Variants in DMD observed in about 807,000 individuals in gnomAD.
The protein encoded by DMD is dystrophin.
Under a neutral mutation model 330.1 loss-of-function variants are expected in DMD, and 63 were observed. That is an observed-to-expected ratio of 0.19 (90% CI 0.16 to 0.24). The LOEUF (loss-of-function observed/expected upper bound fraction) is 0.24, where lower values mean the gene tolerates loss of function less well. DMD is among the 10% of genes least tolerant of loss of function. The pLI is 1.00. For missense variants in DMD, 3,344 were observed against 2,684.1 expected (o/e 1.25, Z -5.43); for synonymous variants, 1,223 against 959.8 (o/e 1.27, Z -5.07).
At chrX:33,172,363 T>C (rs1691507336) in intron 1 of DMD, among the ~76,000 whole-genome samples, 1 of 111,772 alleles carries the variant, frequency 8.9e-6, no homozygotes, top group African/African-American at 3.2e-5. Flanking sequence ...GAAGGACTAG[T>C]CGGATGCTGG....
chrX:32,808,648 C>T (rs904357770), intron 7 of DMD, among the ~76,000 whole-genome samples: 13 of 111,651 alleles, frequency 1.2e-4, no homozygotes, highest in South Asian at 3.7e-4. Flanking sequence ...TTGATGAAAT[C>T]GATTTAATAT....
chrX:33,054,306 C>A (rs1028508188), intron 1 of DMD, among the ~76,000 whole-genome samples: 2 of 111,903 alleles, frequency 1.8e-5, no homozygotes, highest in African/African-American at 6.5e-5. Flanking sequence ...CATATATATA[C>A]ATACACACCT....
intron 7 of DMD, among the ~76,000 whole-genome samples, chrX:32,720,733 G>A (rs751960740): frequency 3.6e-5 from 4 of 111,491 alleles, no homozygotes; most frequent in African/African-American, 1.3e-4. Flanking sequence ...TTCTCATAAT[G>A]TATGCATAGA....
intron 2 of DMD, among the ~76,000 whole-genome samples, chrX:32,897,983 G>C (rs765964668): frequency 8.9e-6 from 1 of 112,223 alleles, no homozygotes; most frequent in African/African-American, 3.2e-5. Context: ...TTATTTTTAA[G>C]AGTTTTTTCC....
intron 1 of DMD, among the ~76,000 whole-genome samples, chrX:33,296,623 T>C (rs2053588494): frequency 9.0e-6 from 1 of 110,984 alleles, no homozygotes; most frequent in South Asian, 3.8e-4. Context: ...TCTTCCAGAC[T>C]GAGCACCCAT....
chrX:33,014,971 C>T (rs1404743998), intron 2 of DMD, among the ~76,000 whole-genome samples: 1 of 111,314 alleles, frequency 9.0e-6, no homozygotes, highest in African/African-American at 3.3e-5. Flanking sequence ...AACGTTTTCT[C>T]CTAAGGTAGA....
chrX:32,999,276 A>G (rs1394328676), intron 2 of DMD, among the ~76,000 whole-genome samples: 8 of 112,128 alleles, frequency 7.1e-5, no homozygotes, highest in African/African-American at 2.6e-4. Context: ...ACTTTCTTGA[A>G]ACATCATGAG....
intron 47 of DMD, among the ~76,000 whole-genome samples, chrX:31,923,051 T>C (rs2094716211): frequency 9.0e-6 from 1 of 111,691 alleles, no homozygotes; most frequent in Non-Finnish European, 1.9e-5. Flanking sequence ...TGACCCTCTC[T>C]ATATATTTTA....
intron 54 of DMD, among the ~76,000 whole-genome samples, chrX:31,638,939 T>C (rs1463587652): frequency 9.0e-6 from 1 of 111,640 alleles, no homozygotes; most frequent in East Asian, 2.8e-4. Context: ...TCACCACCCT[T>C]TTATAGAGAT....
chrX:32,465,087 A>G (rs1358084284), intron 23 of DMD, among the ~76,000 whole-genome samples: 1 of 112,060 alleles, frequency 8.9e-6, no homozygotes, highest in African/African-American at 3.2e-5. Context: ...GTGTCTTTAT[A>G]GCCTCCCTAA....
At chrX:33,176,706 C>T (rs773280053) in intron 1 of DMD, among the ~76,000 whole-genome samples, 1 of 110,818 alleles carries the variant, frequency 9.0e-6, no homozygotes, top group Non-Finnish European at 1.9e-5. Flanking sequence ...GAAGCCAAGG[C>T]GGGTGGATCA....
intron 45 of DMD, among the ~76,000 whole-genome samples, chrX:31,965,369 C>T (rs144922337): frequency 0.078 from 8,685 of 110,927 alleles, 371 homozygotes; most frequent in African/African-American, 0.16. Context: ...AACAATAAGA[C>T]CCTGTAGCAC....
At chrX:32,005,944 G>T (rs1296957487) in intron 44 of DMD, among the ~76,000 whole-genome samples, 3 of 111,327 alleles carry the variant, frequency 2.7e-5, no homozygotes, top group Non-Finnish European at 5.7e-5. Flanking sequence ...GCACTTTAAT[G>T]AAGTGGTGGG....
intron 17 of DMD, among the ~76,000 whole-genome samples, chrX:32,531,225 A>T (rs778019685): frequency 8.9e-6 from 1 of 111,997 alleles, no homozygotes; most frequent in Non-Finnish European, 1.9e-5. Context: ...AGGTACACAC[A>T]AAAGTACCTT....
intron 53 of DMD, 94 bp downstream of exon 53, chrX:31,679,281 A>G: frequency 1.2e-6 from 1 of 803,352 alleles, no homozygotes. Flanking sequence ...TCTGTTAATA[A>G]CTTTACATTA....
At chrX:32,050,096 A>G (rs1015992547) in intron 44 of DMD, among the ~76,000 whole-genome samples, 8 of 111,982 alleles carry the variant, frequency 7.1e-5, no homozygotes, top group Non-Finnish European at 1.5e-4. Flanking sequence ...ATAAACAAAT[A>G]GAAACACACT....
At chrX:32,931,158 G>GT (rs894978745) in intron 2 of DMD, among the ~76,000 whole-genome samples, 4 of 109,652 alleles carry the variant, frequency 3.6e-5, no homozygotes, top group African/African-American at 1.3e-4. Context: ...GAAAGCCCCA[G>GT]TTTTTGAGGA....
At chrX:33,295,603 C>T (rs189949202) in intron 1 of DMD, among the ~76,000 whole-genome samples, 13 of 111,482 alleles carry the variant, frequency 1.2e-4, no homozygotes, top group Admixed American at 7.7e-4. Flanking sequence ...AATTCGTCAG[C>T]AACTCAAGTT....
intron 1 of DMD, among the ~76,000 whole-genome samples, chrX:33,284,919 G>A (rs914349498): frequency 9.3e-6 from 1 of 107,422 alleles, no homozygotes; most frequent in Non-Finnish European, 1.9e-5. Context: ...CTACATAAAT[G>A]ACTTCCTATT....
Sources: gnomAD v4.1 joint callset for allele counts (sites outside exome capture counted in the v4.1 genomes callset) on GRCh38, gnomAD v4.1.1 for gene constraint, MANE v1.5 for transcripts, NCBI Gene and HGNC (gene_info 2026-07-23, HGNC 2026-07-21) for gene names.